FBXO31: variants seen among roughly 807,000 people sequenced by gnomAD.
The protein encoded by FBXO31 is F-box protein 31.
FBXO31 carries 24 observed loss-of-function variants against 54.4 expected under a neutral mutation model. That is an observed-to-expected ratio of 0.44 (90% CI 0.32 to 0.62). The LOEUF (loss-of-function observed/expected upper bound fraction) is 0.62, where lower values mean the gene tolerates loss of function less well. FBXO31 is among the 20% of genes least tolerant of loss of function. The pLI, the probability that FBXO31 is intolerant of heterozygous loss-of-function variation, is 0.05. For missense variants in FBXO31, 665 were observed against 787.1 expected, an observed-to-expected ratio of 0.84 and a Z score of 1.86; for synonymous variants, 388 against 335.6, an observed-to-expected ratio of 1.16 and a Z score of -1.71.
At chr16:87,331,541 TG>T in intron 8 of FBXO31, 31 bp from the exon 9 acceptor site, 2 of 1,555,924 alleles carry the variant, frequency 1.3e-6, no homozygotes, top group Non-Finnish European at 1.8e-6. Flanking sequence ...AACTGTGAGC[TG>T]GGGGAGGGCT....
intron 1 of FBXO31, among the ~76,000 whole-genome samples, chr16:87,368,802 T>C (rs1906475399): frequency 6.6e-6 from 1 of 152,132 alleles, no homozygotes; most frequent in African/African-American, 2.4e-5. Context: ...TTGTTTTTTG[T>C]TTATTTGTCT....
At chr16:87,375,802 C>T (rs967551712) in intron 1 of FBXO31, among the ~76,000 whole-genome samples, 1 of 152,126 alleles carries the variant, frequency 6.6e-6, no homozygotes, top group African/African-American at 2.4e-5. Flanking sequence ...GATCTGCCTG[C>T]CCCAACATCA....
chr16:87,349,907 T>TTA (rs1905572254), intron 2 of FBXO31, among the ~76,000 whole-genome samples: 2 of 87,920 alleles, frequency 2.3e-5, no homozygotes, highest in East Asian at 4.9e-4. Flanking sequence ...AGACCCTATC[T>TTA]CAAAAAAAAA....
In FBXO31 at chr16:87,346,000, G is replaced by A. The variant is rs1413940318; in HGVS notation, c.489+1174C>T. Reference sequence around the variant, plus strand: ...GAATCCTGAGTGAGGGGTGGGAGGTGGAGGAGGGAAGCAGAGTGGCTGCTG... The same window carrying A: ...GAATCCTGAGTGAGGGGTGGGAGGTAGAGGAGGGAAGCAGAGTGGCTGCTG... On this transcript the variant is annotated intron_variant, in intron 3 of 8. Coordinates refer to ENST00000311635, the MANE Select transcript of FBXO31 (RefSeq NM_024735.5). This position sits in a 1 kb window ranked among gnomAD's most constrained non-coding sequence, Gnocchi z 4.9. Among the ~76,000 whole-genome samples, 2 of 151,946 alleles carry A rather than the reference G, an allele frequency of 1.3e-5. No individual in the cohort carries two copies. Among genetic ancestry groups the A allele is most frequent in the East Asian group, 1.9e-4 (1 of 5,162 alleles).
At chr16:87,378,199 T>G (rs1024320641) in intron 1 of FBXO31, among the ~76,000 whole-genome samples, 2 of 150,894 alleles carry the variant, frequency 1.3e-5, no homozygotes, top group Non-Finnish European at 3.0e-5. Context: ...CTATCCAGAT[T>G]ACATAAATAA....
chr16:87,383,901 C>T (rs192112850), upstream of FBXO31: 5 of 468,970 alleles, frequency 1.1e-5, no homozygotes, highest in Middle Eastern at 7.8e-4. This position sits in a 1 kb window ranked among gnomAD's most constrained non-coding sequence, Gnocchi z 4.9. Context: ...CGCGCCACCC[C>T]CTCCCCGCGG....
chr16:87,361,237 G>C (rs138938824), intron 1 of FBXO31, among the ~76,000 whole-genome samples: 118 of 152,350 alleles, frequency 7.7e-4, no homozygotes, highest in African/African-American at 2.7e-3. Context: ...AGTCCCATAA[G>C]AGAGTCACCA....
chr16:87,372,735 T>TC (rs2150693924), intron 1 of FBXO31, among the ~76,000 whole-genome samples: 1 of 147,208 alleles, frequency 6.8e-6, no homozygotes, highest in East Asian at 2.0e-4. Context: ...TAATTTCCTT[T>TC]TTTTTTTTTT....
In FBXO31 at chr16:87,345,161, C is replaced by T. The variant is rs1191164376; in HGVS notation, c.490-1396G>A. ...TCGCTGGGCTCAGCCCCTGGTCCCA[C>T]AAAAGGGAGCGGAGCACAATCCCAA... On this transcript the variant is annotated intron_variant, in intron 3 of 8. Transcript: ENST00000311635. The surrounding 1 kb of genome is among the most constrained non-coding windows in gnomAD (Gnocchi z 4.9). 1.3e-5 allele frequency among the ~76,000 whole-genome samples: 2 copies of T among 152,184 alleles called. No individual in the cohort carries two copies. Among genetic ancestry groups the T allele is most frequent in the Non-Finnish European group, 2.9e-5 (2 of 68,052 alleles).
chr16:87,382,170 T>G lies in FBXO31; in HGVS notation c.340+1235A>C, dbSNP rs1907106128. ...ATGGAAAAAATGCAGACTTCAAAGC[T>G]TATCAGTGAGGGACGAGTCTGTGCT... On this transcript the variant is annotated intron_variant, in intron 1 of 8. Transcript: ENST00000311635. 2.0e-5 allele frequency among the ~76,000 whole-genome samples: 3 copies of G among 152,170 alleles called. No homozygotes were observed. In the South Asian group the frequency reaches 6.2e-4, roughly 31 times the overall value.
At chr16:87,383,792 C>T, upstream of FBXO31, 15 of 1,153,644 alleles carry the variant, frequency 1.3e-5, no homozygotes, top group Non-Finnish European at 1.6e-5. The surrounding 1 kb of genome is among the most constrained non-coding windows in gnomAD (Gnocchi z 4.9). Context: ...CGCTCCAGCG[C>T]GGCCCCGCCC....
chr16:87,327,271 G>C lies in FBXO31; in HGVS notation c.*4017C>G, dbSNP rs544117085. The C allele has an allele frequency of 1.3e-5, 2 of 152,630 alleles. No individual in the cohort carries two copies. The highest frequency in any genetic ancestry group is 1.9e-4 in the East Asian group (1 of 5,202). 9.5% of individuals were successfully genotyped at this position (152,630 alleles called of 1,614,324 possible). ...CCCCTCGTGCTCTGGCTGGTCTCCC[G>C]GTCAGCAGCCCCTGAGGGCCGGCAG... On this transcript the variant is annotated 3_prime_UTR_variant, in exon 9 of 9. Coordinates refer to ENST00000311635, the MANE Select transcript of FBXO31 (RefSeq NM_024735.5).
intron 2 of FBXO31, among the ~76,000 whole-genome samples, chr16:87,353,595 G>C (rs1289678778): frequency 6.6e-6 from 1 of 152,274 alleles, no homozygotes; most frequent in Non-Finnish European, 1.5e-5. Context: ...AGCAGGAAGA[G>C]GCGGTAAGGA....
At chr16:87,354,249 A>C (rs1567621314) in intron 2 of FBXO31, among the ~76,000 whole-genome samples, 1 of 151,838 alleles carries the variant, frequency 6.6e-6, no homozygotes, top group Non-Finnish European at 1.5e-5. Context: ...GAGGCGGGAT[A>C]ATCGCTTGAG....
intron 8 of FBXO31, among the ~76,000 whole-genome samples, chr16:87,333,635 C>T (rs1334118798): frequency 6.6e-6 from 1 of 152,230 alleles, no homozygotes; most frequent in Non-Finnish European, 1.5e-5. Flanking sequence ...CATGCCCCTG[C>T]AGCTCTGAGG....
chr16:87,374,203 C>G (rs2150694948), intron 1 of FBXO31, among the ~76,000 whole-genome samples: 1 of 151,518 alleles, frequency 6.6e-6, no homozygotes, highest in South Asian at 2.1e-4. Flanking sequence ...GATCGCGCCA[C>G]TACACTCCAA....
upstream of FBXO31, chr16:87,384,288 C>G (rs1452378426): frequency 2.0e-5 from 3 of 152,274 alleles, no homozygotes; most frequent in African/African-American, 7.2e-5. Flanking sequence ...TCCATTGAAA[C>G]AACGCGCGTT....
intron 1 of FBXO31, among the ~76,000 whole-genome samples, chr16:87,379,793 G>A (rs888740344): frequency 4.6e-5 from 7 of 151,718 alleles, no homozygotes; most frequent in South Asian, 2.1e-4. Flanking sequence ...TCACCATGTC[G>A]GCCAGGCTGG....
intron 1 of FBXO31, among the ~76,000 whole-genome samples, chr16:87,377,372 A>C (rs898792875): frequency 1.3e-5 from 2 of 151,444 alleles, no homozygotes; most frequent in African/African-American, 2.4e-5. Flanking sequence ...TTTACGCCGG[A>C]GAAGTCAAGG....
Sources: allele counts gnomAD v4.1 joint callset (sites outside exome capture counted in the v4.1 genomes callset), GRCh38; gene constraint gnomAD v4.1.1; non-coding constraint Gnocchi (gnomAD v3.1); transcripts MANE v1.5; gene names NCBI Gene and HGNC (gene_info 2026-07-23, HGNC 2026-07-21).